The following AFDN variants were observed in gnomAD, a reference collection of about 807,000 sequenced individuals.
AFDN encodes afadin.
In AFDN, 68 loss-of-function variants were observed where a neutral mutation model predicts 216.6. That is an observed-to-expected ratio of 0.31 (90% CI 0.26 to 0.38). AFDN has a LOEUF of 0.38. AFDN is among the 10% of genes least tolerant of loss of function. The pLI is 1.00. For synonymous variants in AFDN, 868 were observed against 853.7 expected (o/e 1.02, Z -0.29); for missense variants, 2,136 against 2,342.0 (o/e 0.91, Z 1.82).
At chr6:167,946,605 C>T in intron 26 of AFDN, 102 bp from the exon 27 acceptor site, 2 of 987,968 alleles carry the variant, frequency 2.0e-6, no homozygotes, top group Non-Finnish European at 3.0e-6. Flanking sequence ...TGACCTTTAT[C>T]ACCTTATTTC....
At chr6:167,844,960 A>C (rs1781500624) in intron 1 of AFDN, among the ~76,000 whole-genome samples, 1 of 151,692 alleles carries the variant, frequency 6.6e-6, no homozygotes, top group Admixed American at 6.6e-5. Flanking sequence ...CCCAGGCTCA[A>C]ATGATTCTCA....
At chr6:167,919,870 C>T (rs919487553) in intron 21 of AFDN, among the ~76,000 whole-genome samples, 2 of 152,058 alleles carry the variant, frequency 1.3e-5, no homozygotes, top group African/African-American at 4.8e-5. Context: ...AAAGTAATAA[C>T]GATAGAGGTT....
chr6:167,879,266 A>G (rs1301856067), intron 5 of AFDN, among the ~76,000 whole-genome samples: 2 of 152,258 alleles, frequency 1.3e-5, no homozygotes. Flanking sequence ...AAAGACCAAC[A>G]TGATTTTATT....
At position 167,918,891 on chromosome 6, in the gene AFDN, C is replaced by G. The variant is rs1562672703; in HGVS notation, c.2866C>G (p.Pro956Ala). 6.2e-7 allele frequency: 1 copy of G among 1,614,002 alleles called. No individual in the cohort carries two copies. The highest frequency in any genetic ancestry group is 8.5e-7 in the Non-Finnish European group (1 of 1,179,976). ...GYSCDVVRNIPNGLQEFLDPL... is the reference protein window; with the variant it reads ...GYSCDVVRNIANGLQEFLDPL... ...TTCTTGTGATGTTGTCAGAAACATT[C>G]CAAATGGTTTACAAGAATTTTTAGA... The change falls in exon 21 of 34, where the codon CCA (proline) becomes GCA (alanine). Residue 956 changes from proline to alanine, a missense_variant. Pro to Ala is a conservative substitution (Grantham distance 27). Transcript: ENST00000683244.
At chr6:167,838,520 G>A (rs1333963378) in intron 1 of AFDN, among the ~76,000 whole-genome samples, 1 of 152,180 alleles carries the variant, frequency 6.6e-6, no homozygotes, top group African/African-American at 2.4e-5. Context: ...GTGTCATAAA[G>A]TTTTATTTAC....
intron 13 of AFDN, among the ~76,000 whole-genome samples, chr6:167,910,452 A>G (rs1250291776): frequency 2.0e-5 from 3 of 152,218 alleles, no homozygotes; most frequent in Non-Finnish European, 2.9e-5. Flanking sequence ...GTTTCTTTGT[A>G]TTTATAATTT....
intron 1 of AFDN, among the ~76,000 whole-genome samples, chr6:167,857,502 CT>C (rs756268964): frequency 5.3e-5 from 8 of 152,102 alleles, no homozygotes; most frequent in Middle Eastern, 3.4e-3. Context: ...TTTAATTTTA[CT>C]GGCTAGATAG....
chr6:167,880,786 G>C (rs1384184828), intron 6 of AFDN, among the ~76,000 whole-genome samples: 1 of 152,088 alleles, frequency 6.6e-6, no homozygotes, highest in Admixed American at 6.6e-5. Flanking sequence ...ACATATACTT[G>C]TGGTTCTTAT....
intron 1 of AFDN, among the ~76,000 whole-genome samples, chr6:167,853,053 C>CT (rs1782492568): frequency 1.3e-5 from 2 of 152,000 alleles, no homozygotes; most frequent in African/African-American, 4.8e-5. Context: ...AGACTACAGT[C>CT]TAAGTGCTAG....
intron 23 of AFDN, among the ~76,000 whole-genome samples, chr6:167,938,671 T>C (rs970229156): frequency 1.3e-5 from 2 of 152,186 alleles, no homozygotes; most frequent in African/African-American, 2.4e-5. Context: ...AAATGCCATG[T>C]GCTGTTCATG....
chr6:167,949,902 G>A (rs1187257200), intron 29 of AFDN, among the ~76,000 whole-genome samples: 3 of 152,162 alleles, frequency 2.0e-5, no homozygotes, highest in Non-Finnish European at 4.4e-5. Context: ...CTGAGAGGCA[G>A]GCCAGAGTGT....
At chr6:167,859,071 G>GTTTTTTT (rs933336720) in intron 1 of AFDN, among the ~76,000 whole-genome samples, 148 of 108,806 alleles carry the variant, frequency 1.4e-3, no homozygotes, top group East Asian at 1.7e-3. Context: ...GGCCGTTCTT[G>GTTTTTTT]TTTTTTTTTT....
intron 1 of AFDN, among the ~76,000 whole-genome samples, chr6:167,834,242 C>G (rs1161397489): frequency 1.3e-5 from 2 of 152,052 alleles, no homozygotes; most frequent in Admixed American, 6.6e-5. Flanking sequence ...AGTCTTTTAT[C>G]TCTCATCCTC....
chr6:167,844,181 T>A (rs1781381113), intron 1 of AFDN, among the ~76,000 whole-genome samples: 2 of 49,340 alleles, frequency 4.1e-5, no homozygotes, highest in South Asian at 4.6e-4. Context: ...AAATGAAGTG[T>A]GTGTGTGTGT....
chr6:167,878,228 G>T (rs149539338), intron 5 of AFDN, among the ~76,000 whole-genome samples: 193 of 152,224 alleles, frequency 1.3e-3, no homozygotes, highest in African/African-American at 4.3e-3. Context: ...GAACCACTGT[G>T]TACAAACCAA....
intron 6 of AFDN, among the ~76,000 whole-genome samples, chr6:167,886,757 G>C (rs35842336): frequency 0.3 from 46,145 of 151,928 alleles, 8,064 homozygotes; most frequent in East Asian, 0.6. Context: ...CATAGGGTCT[G>C]TACTACTGAA....
intron 6 of AFDN, 131 bp downstream of exon 6, chr6:167,880,648 C>T: frequency 1.2e-6 from 1 of 863,238 alleles, no homozygotes; most frequent in Admixed American, 2.7e-5. Flanking sequence ...AAATCATGTG[C>T]TAAATATATA....
chr6:167,964,331 G>T, intron 31 of AFDN: 4 of 1,064,144 alleles, frequency 3.8e-6, no homozygotes, highest in East Asian at 1.0e-4. Flanking sequence ...AGGATATTTT[G>T]ATTTCTTCCT....
rs772869153 is a variant in AFDN, at chr6:167,911,443, T to C, written c.1991T>C (p.Ile664Thr). ...CCTACAGAGCGCACACATAAAGTCATTGCAGTCGTCAACAAGATGGTGAGC... is the reference window on the plus strand; with the variant it reads ...CCTACAGAGCGCACACATAAAGTCACTGCAGTCGTCAACAAGATGGTGAGC... ...ISPTERTHKVIAVVNKMVSMM... is the reference protein window; with the variant it reads ...ISPTERTHKVTAVVNKMVSMM... The change falls in exon 15 of 34, where the codon ATT becomes ACT. Residue 664 changes from isoleucine (I) to threonine (T), a missense_variant. Physicochemically the swap from Ile to Thr is moderately conservative, Grantham distance 89. Around this residue, in one of 8 missense-constraint regions of AFDN, gnomAD observed 817 missense variants for 965.7 expected, o/e 0.85. Coordinates refer to ENST00000683244, the MANE Select transcript of AFDN (RefSeq NM_001386888.1). 3.1e-6 allele frequency: 5 copies of C among 1,614,020 alleles called. No individual in the cohort carries two copies. The highest frequency in any genetic ancestry group is 1.7e-5 in the Admixed American group (1 of 59,998).
Sources: allele counts gnomAD v4.1 joint callset (sites outside exome capture counted in the v4.1 genomes callset), GRCh38; gene constraint gnomAD v4.1.1; regional missense constraint gnomAD v4.1.1; transcripts MANE v1.5; gene names NCBI Gene and HGNC (gene_info 2026-07-23, HGNC 2026-07-21).